Variants in ITPR1 observed in about 807,000 individuals in gnomAD.
The protein encoded by ITPR1 is inositol 1,4,5-trisphosphate receptor type 1.
Under a neutral mutation model 318.4 loss-of-function variants are expected in ITPR1, and 96 were observed. The observed-to-expected ratio is 0.30, with a 90% CI of 0.26 to 0.36. ITPR1 has a LOEUF of 0.36. Among genes scored for constraint, ITPR1 ranks in the 10% least tolerant of loss-of-function variants. The probability of loss-of-function intolerance (pLI) is 1.00; values close to 1 mark genes in which losing one functional copy is unlikely to be tolerated. For missense variants in ITPR1, 2,440 were observed against 3,460.2 expected, an observed-to-expected ratio of 0.71 and a Z score of 7.40; for synonymous variants, 1,312 against 1,289.9, an observed-to-expected ratio of 1.02 and a Z score of -0.37.
At chr3:4,552,116 GC>G (rs1383240707) in intron 4 of ITPR1, among the ~76,000 whole-genome samples, 5 of 152,312 alleles carry the variant, frequency 3.3e-5, no homozygotes, top group Middle Eastern at 3.4e-3. Flanking sequence ...AACTCAAAGT[GC>G]TTTTTCTAGT....
chr3:4,675,567 A>G (rs938178646), intron 23 of ITPR1, among the ~76,000 whole-genome samples: 57 of 152,328 alleles, frequency 3.7e-4, no homozygotes, highest in African/African-American at 1.3e-3. Flanking sequence ...GAACAATTTG[A>G]AAGTTACTTA....
intron 53 of ITPR1, among the ~76,000 whole-genome samples, chr3:4,795,860 C>G (rs2047865663): frequency 1.3e-5 from 2 of 152,300 alleles, no homozygotes; most frequent in South Asian, 2.1e-4. Context: ...TTTGGGGCCC[C>G]TCGACAAGCA....
chr3:4,547,004 C>T lies in ITPR1; in HGVS notation c.163+25910C>T, dbSNP rs915765675. 3.3e-5 allele frequency among the ~76,000 whole-genome samples: 5 copies of T among 152,184 alleles called. No individual in the cohort carries two copies. In the East Asian group the frequency reaches 5.8e-4, roughly 18 times the overall value. On this transcript the variant is annotated intron_variant, in intron 4 of 61. Coordinates refer to ENST00000649015, the MANE Select transcript of ITPR1 (RefSeq NM_001378452.1). ...TGACTAGCAGTGTGACCTCCAATAA[C>T]GCTCTTGACCTGTCTGGGCCTTTGC...
In ITPR1 at chr3:4,589,917, C is replaced by T. The variant is rs148227764; in HGVS notation, c.164-37846C>T. Among the ~76,000 whole-genome samples, 361 of 152,262 alleles carry T rather than the reference C, an allele frequency of 2.4e-3. 4 individuals are homozygous for T. Among genetic ancestry groups the T allele is most frequent in the African/African-American group, 8.1e-3 (336 of 41,552 alleles). ...CCTGCCTCTGGAAGTGGGCCTATCTCGGGCTCTCCTGGTTCTTTCAGCTCT... is the reference window on the plus strand; with the variant it reads ...CCTGCCTCTGGAAGTGGGCCTATCTTGGGCTCTCCTGGTTCTTTCAGCTCT... On this transcript the variant is annotated intron_variant, in intron 4 of 61. Coordinates refer to ENST00000649015, the MANE Select transcript of ITPR1 (RefSeq NM_001378452.1).
intron 44 of ITPR1, among the ~76,000 whole-genome samples, chr3:4,754,398 A>G (rs1359704507): frequency 6.6e-6 from 1 of 152,186 alleles, no homozygotes; most frequent in African/African-American, 2.4e-5. Flanking sequence ...GGTTCATGAG[A>G]CAAGGTGGAG....
chr3:4,766,848 G>A lies in ITPR1; in HGVS notation c.5725+138G>A, dbSNP rs113962469. The A allele has an allele frequency of 0.017, 11,024 of 643,082 alleles. 172 individuals are homozygous for A. The highest frequency in any genetic ancestry group is 0.057 in the South Asian group (1,961 of 34,332). 39.8% of individuals were successfully genotyped at this position (643,082 alleles called of 1,614,324 possible). On this transcript the variant is annotated intron_variant, in intron 45 of 61. Coordinates refer to ENST00000649015, the MANE Select transcript of ITPR1 (RefSeq NM_001378452.1). ...TCAGAAGAAATGCCAGCCTGGTTAT[G>A]ATGTAATTCTTCCTCAGTGACCTGA...
rs768427476 is a variant in ITPR1 at position 4,669,616 on chromosome 3, C to T, written c.1887-38C>T. On this transcript the variant is annotated intron_variant, in intron 18 of 61. Coordinates refer to ENST00000649015, the MANE Select transcript of ITPR1 (RefSeq NM_001378452.1). ...GGGGTCCAGGAGCCTAACCTCTGCT[C>T]TATCTACAGAAAATGTTTTGTTTCT... is the stretch of plus-strand genomic sequence containing the variant. The T allele has an allele frequency of 1.9e-6, 3 of 1,575,240 alleles. No homozygotes were observed. In the South Asian group the frequency reaches 3.5e-5, roughly 18 times the overall value.
intron 17 of ITPR1, 119 bp downstream of exon 17, chr3:4,665,415 T>C: frequency 1.1e-6 from 1 of 871,586 alleles, no homozygotes. Flanking sequence ...AATAGTTCAG[T>C]GTTGAGCTTG....
intron 4 of ITPR1, among the ~76,000 whole-genome samples, chr3:4,566,707 TC>T: frequency 6.6e-6 from 1 of 152,028 alleles, no homozygotes; most frequent in Non-Finnish European, 1.5e-5. Context: ...CAATGCAGAT[TC>T]TTTCCTCCAC....
At chr3:4,803,192 G>T (rs1005381654) in intron 54 of ITPR1, among the ~76,000 whole-genome samples, 2 of 152,166 alleles carry the variant, frequency 1.3e-5, no homozygotes, top group African/African-American at 4.8e-5. Context: ...TACTGTATCC[G>T]GGACAGGTGG....
chr3:4,655,667 C>T (rs2093690089), intron 12 of ITPR1, among the ~76,000 whole-genome samples: 1 of 152,182 alleles, frequency 6.6e-6, no homozygotes. Flanking sequence ...CCAGACTCAT[C>T]CCCCATCTCA....
At chr3:4,768,798 T>C in intron 46 of ITPR1, 34 bp downstream of exon 46, 1 of 1,583,486 alleles carries the variant, frequency 6.3e-7, no homozygotes, top group Non-Finnish European at 8.6e-7. Context: ...TGGAGGGAGC[T>C]CGGGAAAGGC....
intron 4 of ITPR1, among the ~76,000 whole-genome samples, chr3:4,542,683 C>CGG (rs368356555): frequency 0.068 from 3,724 of 54,784 alleles, 69 homozygotes; most frequent in Non-Finnish European, 0.15. Flanking sequence ...TTGTGTGTGG[C>CGG]GGGGGGGTGG....
intron 61 of ITPR1, among the ~76,000 whole-genome samples, chr3:4,844,386 A>G (rs996734043): frequency 5.3e-5 from 8 of 152,152 alleles, no homozygotes; most frequent in Admixed American, 1.3e-4. Context: ...AGCCTCCCCA[A>G]GTGGTGGGAT....
chr3:4,645,518 G>T, intron 9 of ITPR1, 48 bp downstream of exon 9: 1 of 1,606,128 alleles, frequency 6.2e-7, no homozygotes, highest in South Asian at 1.1e-5. Flanking sequence ...TCTTCTTGGG[G>T]GCAGCAGTCT....
At chr3:4,551,589 C>T (rs540378024) in intron 4 of ITPR1, among the ~76,000 whole-genome samples, 1 of 152,282 alleles carries the variant, frequency 6.6e-6, no homozygotes, top group African/African-American at 2.4e-5. Flanking sequence ...ATCAAGGTCA[C>T]AACAGAGCTC....
At chr3:4,566,005 C>T (rs1261649524) in intron 4 of ITPR1, among the ~76,000 whole-genome samples, 1 of 152,142 alleles carries the variant, frequency 6.6e-6, no homozygotes, top group Non-Finnish European at 1.5e-5. Context: ...ATCTGAGTGG[C>T]GTAATGCTGG....
At chr3:4,627,702 C>A in intron 4 of ITPR1, 61 bp from the exon 5 acceptor site, 1 of 905,170 alleles carries the variant, frequency 1.1e-6, no homozygotes. Context: ...TTTTTTTTTT[C>A]CTTAGGCTGA....
At chr3:4,753,004 G>A (rs1001989679) in intron 44 of ITPR1, among the ~76,000 whole-genome samples, 10 of 152,288 alleles carry the variant, frequency 6.6e-5, no homozygotes, top group Non-Finnish European at 1.0e-4. Context: ...CAGGCGCCAC[G>A]AAGCGTGGCC....
Sources: allele counts gnomAD v4.1 joint callset (sites outside exome capture counted in the v4.1 genomes callset), GRCh38; gene constraint gnomAD v4.1.1; transcripts MANE v1.5; gene names NCBI Gene and HGNC (gene_info 2026-07-23, HGNC 2026-07-21).